The following COG5 variants were observed in gnomAD, a reference collection of about 807,000 sequenced individuals.
COG5 encodes component of oligomeric golgi complex 5, also known as conserved oligomeric Golgi complex subunit 5.
In COG5, 86 loss-of-function variants were observed where a neutral mutation model predicts 110.4. The ratio of observed to expected loss-of-function variants is 0.78; its 90% CI spans 0.65 to 0.93. The LOEUF (loss-of-function observed/expected upper bound fraction) is 0.93, where lower values mean the gene tolerates loss of function less well. COG5 is among the 40% of genes least tolerant of loss of function. The probability of loss-of-function intolerance (pLI) is 0.00; values close to 1 mark genes in which losing one functional copy is unlikely to be tolerated. For synonymous variants in COG5, 360 were observed against 334.6 expected (o/e 1.08, Z -0.83); for missense variants, 1,077 against 987.0 (o/e 1.09, Z -1.22).
intron 1 of COG5, chr7:107,563,393 T>C (rs921043945): frequency 3.3e-6 from 1 of 304,238 alleles, no homozygotes; most frequent in African/African-American, 2.2e-5. Flanking sequence ...CAAGGCCCTA[T>C]TTCATTATGC....
At chr7:107,335,505 T>TCAGA (rs1810629896) in intron 10 of COG5, among the ~76,000 whole-genome samples, 3 of 151,932 alleles carry the variant, frequency 2.0e-5, no homozygotes, top group Admixed American at 2.0e-4. Flanking sequence ...AAACATACTA[T>TCAGA]CAGACAAAAA....
rs371666080 is a variant in COG5, at chr7:107,384,003, T to G, written c.670-11243A>C. ...GCCAGTCAGGCTTTTGGCCTCCCTC[T>G]CCCTGTGCAAACTGGTAGAAGGCCT... On this transcript the variant is annotated intron_variant, in intron 7 of 21. Transcript: ENST00000297135. Among the ~76,000 whole-genome samples, 14 of 152,272 alleles carry G rather than the reference T, an allele frequency of 9.2e-5. No individual in the cohort carries two copies. The East Asian group carries it at 1.4e-3, about 15-fold the overall frequency.
At chr7:107,436,647 T>C (rs115763443) in intron 6 of COG5, among the ~76,000 whole-genome samples, 1,592 of 152,306 alleles carry the variant, frequency 0.01, 17 homozygotes, top group African/African-American at 0.037. Context: ...ATTTTATGTG[T>C]AGCATTCATT....
chr7:107,425,547 G>A (rs1793589927), intron 6 of COG5, among the ~76,000 whole-genome samples: 1 of 150,828 alleles, frequency 6.6e-6, no homozygotes, highest in Admixed American at 6.6e-5. Flanking sequence ...GGTATTATGA[G>A]AGTCACATAT....
intron 7 of COG5, among the ~76,000 whole-genome samples, chr7:107,389,326 T>C (rs1487000467): frequency 6.6e-6 from 1 of 150,376 alleles, no homozygotes; most frequent in African/African-American, 2.5e-5. Flanking sequence ...CCCTCAATAA[T>C]GGCACATATT....
rs182373976 is a variant in COG5, at chr7:107,468,928, T to C, written c.539-56296A>G. Among the ~76,000 whole-genome samples the C allele has an allele frequency of 4.5e-3, 690 of 151,856 alleles. 6 individuals carry two copies. The highest frequency in any genetic ancestry group is 0.016 in the African/African-American group (667 of 41,496). On this transcript the variant is annotated intron_variant, in intron 6 of 21. Coordinates refer to ENST00000297135, the MANE Select transcript of COG5 (RefSeq NM_006348.5). The stretch of plus-strand genomic sequence containing the variant: ...GTCTAAAAGAAATTTATCCTCATCA[T>C]TAAAAACAGGAACTTATTTATAGGT...
At chr7:107,270,140 C>T (rs1804128191) in intron 14 of COG5, among the ~76,000 whole-genome samples, 1 of 152,068 alleles carries the variant, frequency 6.6e-6, no homozygotes. Context: ...GAATACTAAT[C>T]AAATTATTCC....
At chr7:107,403,361 T>C (rs777005304) in intron 7 of COG5, among the ~76,000 whole-genome samples, 2 of 152,052 alleles carry the variant, frequency 1.3e-5, no homozygotes, top group Non-Finnish European at 2.9e-5. Flanking sequence ...TAAGGGCTCA[T>C]GTTCCTAGTT....
intron 11 of COG5, among the ~76,000 whole-genome samples, chr7:107,306,462 T>C (rs1807724585): frequency 6.6e-6 from 1 of 152,178 alleles, no homozygotes; most frequent in African/African-American, 2.4e-5. Flanking sequence ...AAAACAGACC[T>C]TTGTAAAACT....
At chr7:107,494,877 G>C (rs1162529236) in intron 6 of COG5, among the ~76,000 whole-genome samples, 1 of 152,108 alleles carries the variant, frequency 6.6e-6, no homozygotes, top group Non-Finnish European at 1.5e-5. Context: ...CTGAGAACAG[G>C]AATCAGGGCA....
intron 3 of COG5, among the ~76,000 whole-genome samples, chr7:107,554,032 A>G (rs548300068): frequency 6.6e-6 from 1 of 152,348 alleles, no homozygotes; most frequent in East Asian, 1.9e-4. Flanking sequence ...AAGCAGTAAA[A>G]CAAGGATTTG....
intron 10 of COG5, among the ~76,000 whole-genome samples, chr7:107,335,010 G>A (rs1584692717): frequency 6.6e-6 from 1 of 152,048 alleles, no homozygotes; most frequent in East Asian, 1.9e-4. Flanking sequence ...ATATTTATAG[G>A]CAACACAAAA....
chr7:107,487,423 A>T (rs1797716006), intron 6 of COG5, among the ~76,000 whole-genome samples: 1 of 152,104 alleles, frequency 6.6e-6, no homozygotes, highest in Admixed American at 6.6e-5. Context: ...GCTGATCTCC[A>T]ACTCCTGGCC....
chr7:107,549,997 C>T (rs1401137145), intron 3 of COG5, among the ~76,000 whole-genome samples: 1 of 152,052 alleles, frequency 6.6e-6, no homozygotes, highest in Non-Finnish European at 1.5e-5. Flanking sequence ...CATTCCCTAT[C>T]TCTCTGTCCT....
intron 7 of COG5, among the ~76,000 whole-genome samples, chr7:107,388,968 A>G (rs1185245413): frequency 6.6e-6 from 1 of 152,148 alleles, no homozygotes; most frequent in Non-Finnish European, 1.5e-5. Flanking sequence ...AACGAATTCT[A>G]CTCCAGACAC....
At chr7:107,361,591 T>A (rs1276860391) in intron 10 of COG5, among the ~76,000 whole-genome samples, 1 of 152,234 alleles carries the variant, frequency 6.6e-6, no homozygotes, top group Non-Finnish European at 1.5e-5. Context: ...AGATAGAGTT[T>A]CACTCTGTCG....
At chr7:107,473,900 A>C (rs890307430) in intron 6 of COG5, 1 of 494,570 alleles carries the variant, frequency 2.0e-6, no homozygotes, top group East Asian at 3.1e-5. Flanking sequence ...TTAATTCTAC[A>C]TTTTCTATTA....
intron 5 of COG5, among the ~76,000 whole-genome samples, chr7:107,529,179 A>G (rs930274818): frequency 6.6e-6 from 1 of 152,204 alleles, no homozygotes; most frequent in African/African-American, 2.4e-5. Flanking sequence ...ATAACATTGA[A>G]AAGTCACCCT....
At chr7:107,525,317 A>T (rs1320319561) in intron 6 of COG5, among the ~76,000 whole-genome samples, 1 of 151,994 alleles carries the variant, frequency 6.6e-6, no homozygotes, top group Non-Finnish European at 1.5e-5. Flanking sequence ...TAATCCAATC[A>T]AAATTTAGCA....
Sources: gnomAD v4.1 joint callset for allele counts (sites outside exome capture counted in the v4.1 genomes callset) on GRCh38, gnomAD v4.1.1 for gene constraint, MANE v1.5 for transcripts, NCBI Gene and HGNC (gene_info 2026-07-23, HGNC 2026-07-21) for gene names.